The following PARP1 variants were observed in gnomAD, a reference collection of about 807,000 sequenced individuals.
PARP1 encodes the protein poly [ADP-ribose] polymerase 1.
A neutral mutation model predicts 118.7 loss-of-function variants in PARP1; 44 were observed. The ratio of observed to expected loss-of-function variants is 0.37; its 90% CI spans 0.29 to 0.48. The LOEUF (loss-of-function observed/expected upper bound fraction) is 0.48, where lower values mean the gene tolerates loss of function less well. Among genes scored for constraint, PARP1 ranks in the 20% least tolerant of loss-of-function variants. PARP1 has a pLI of 0.99. For missense variants in PARP1, 1,100 were observed against 1,272.4 expected (o/e 0.86, Z 2.06); for synonymous variants, 492 against 483.2 (o/e 1.02, Z -0.24).
chr1:226,407,593 T>C (rs1665176695), intron 1 of PARP1, among the ~76,000 whole-genome samples: 1 of 151,832 alleles, frequency 6.6e-6, no homozygotes, highest in Admixed American at 6.6e-5. Context: ...GCTGCAGACT[T>C]TATTTCCCGG....
chr1:226,362,862 T>C (rs1664177388), intron 21 of PARP1, among the ~76,000 whole-genome samples: 1 of 152,056 alleles, frequency 6.6e-6, no homozygotes, highest in Admixed American at 6.5e-5. Flanking sequence ...ATTTTTTTTT[T>C]TTTTTTACAA....
intron 22 of PARP1, 149 bp from the exon 23 acceptor site, chr1:226,361,690 G>A: frequency 1.4e-6 from 1 of 707,470 alleles, no homozygotes; most frequent in East Asian, 2.7e-5. Context: ...CATCTCCCCG[G>A]GGCTGGCAGG....
At chr1:226,367,911 G>A (rs1328329581) in intron 16 of PARP1, among the ~76,000 whole-genome samples, 1 of 152,210 alleles carries the variant, frequency 6.6e-6, no homozygotes, top group Non-Finnish European at 1.5e-5. Flanking sequence ...CCTGAGCCAG[G>A]AGCTGTCTTA....
chr1:226,392,629 T>G (rs1329049616), intron 2 of PARP1: 2 of 540,312 alleles, frequency 3.7e-6, no homozygotes, highest in South Asian at 2.2e-5. Context: ...AAGCACTTAT[T>G]AGGTGCTTAC....
chr1:226,367,108 C>G (rs1664286048), intron 17 of PARP1: 1 of 314,072 alleles, frequency 3.2e-6, no homozygotes, highest in Non-Finnish European at 6.2e-6. Flanking sequence ...AATAAGTCTT[C>G]TAAAAGTTCA....
chr1:226,408,011 C>A lies in PARP1; in HGVS notation c.-82G>T. On this transcript the variant is annotated 5_prime_UTR_variant, in exon 1 of 23. Transcript: ENST00000366794. Reference sequence around the variant, plus strand: ...CTGCCGCCTCGCCGCCTCGCGTGCGCTCACCCAGCCGCAGGCGCCTGAGCG... The same window carrying A: ...CTGCCGCCTCGCCGCCTCGCGTGCGATCACCCAGCCGCAGGCGCCTGAGCG... 6.3e-7 allele frequency: 1 copy of A among 1,586,778 alleles called. No homozygotes were observed. The highest frequency in any genetic ancestry group is 8.6e-7 in the Non-Finnish European group (1 of 1,167,878).
intron 2 of PARP1, chr1:226,392,525 T>C: frequency 1.7e-6 from 1 of 590,948 alleles, no homozygotes; most frequent in South Asian, 1.9e-5. Context: ...CTTCTCAGAC[T>C]GAGCTCCTTG....
In PARP1 at chr1:226,402,278, G is replaced by A. The variant is rs759516960; in HGVS notation, c.222C>T (p.Phe74=). The stretch of plus-strand genomic sequence containing the variant: ...GCTGGTCATCCCACCGAAGCTCAGA[G>A]AACCCATCCACCTCAACGTCAGGGT... ...IRHPDVEVDG[F]SELRWDDQQK... The change falls in exon 2 of 23, where the codon TTC becomes TTT. Residue 74 remains phenylalanine (F), a synonymous_variant. Transcript: ENST00000366794. The A allele has an allele frequency of 6.2e-7, 1 of 1,614,164 alleles. No homozygotes were observed. Among genetic ancestry groups the A allele is most frequent in the Admixed American group, 1.7e-5 (1 of 60,030 alleles).
chr1:226,381,349 G>A lies in PARP1; in HGVS notation c.1160-141C>T, dbSNP rs545632344. On this transcript the variant is annotated intron_variant, in intron 8 of 22. Coordinates refer to ENST00000366794, the MANE Select transcript of PARP1 (RefSeq NM_001618.4). Reference sequence around the variant, plus strand: ...ATACACTCGCGAGAAAACAGGACGGGACAGCAAGCTGCCACCTGAGTACCT... The same window carrying A: ...ATACACTCGCGAGAAAACAGGACGGAACAGCAAGCTGCCACCTGAGTACCT... 9.7e-5 allele frequency: 88 copies of A among 906,310 alleles called. 1 individual carries two copies. The Admixed American group carries it at 1.2e-3, about 13-fold the overall frequency. The allele number at this position is 906,310 out of a possible 1,614,324, so 56.1% of individuals were successfully genotyped here. A position where few individuals can be genotyped will look rare whatever the true frequency, so the allele number is the denominator to read the frequency against.
At chr1:226,378,910 T>G (rs1322921737) in intron 12 of PARP1, among the ~76,000 whole-genome samples, 1 of 152,186 alleles carries the variant, frequency 6.6e-6, no homozygotes, top group Non-Finnish European at 1.5e-5. Flanking sequence ...CAGAAGAATA[T>G]GTGAAACCAT....
intron 11 of PARP1, 23 bp downstream of exon 11, chr1:226,379,550 T>G (rs2102735071): frequency 6.3e-7 from 1 of 1,598,908 alleles, no homozygotes; most frequent in Non-Finnish European, 8.6e-7. Context: ...CAGCCCACTT[T>G]GCTGGCAGTC....
intron 3 of PARP1, among the ~76,000 whole-genome samples, chr1:226,390,876 T>C (rs1381451609): frequency 6.6e-6 from 1 of 152,160 alleles, no homozygotes; most frequent in Admixed American, 6.5e-5. Context: ...CCTGGACATG[T>C]GAAGAATTGC....
At chr1:226,376,079 A>G (rs765873826) in intron 13 of PARP1, among the ~76,000 whole-genome samples, 1 of 152,188 alleles carries the variant, frequency 6.6e-6, no homozygotes. Flanking sequence ...GAGCCTCATC[A>G]TTGTATAAGC....
chr1:226,366,171 T>G, intron 17 of PARP1, 119 bp from the exon 18 acceptor site: 1 of 737,470 alleles, frequency 1.4e-6, no homozygotes, highest in Non-Finnish European at 2.4e-6. Flanking sequence ...AAGCCGGGCA[T>G]GACCGAGAGC....
chr1:226,382,968 C>A, intron 8 of PARP1, 68 bp downstream of exon 8: 1 of 1,548,588 alleles, frequency 6.5e-7, no homozygotes, highest in East Asian at 2.2e-5. Context: ...CAGCTCCACA[C>A]CACCAGCAAG....
At chr1:226,370,289 A>G (rs1664353821) in intron 15 of PARP1, 145 bp downstream of exon 15, 1 of 723,578 alleles carries the variant, frequency 1.4e-6, no homozygotes, top group African/African-American at 1.7e-5. Context: ...TATTGAACTG[A>G]AAAAAATCGA....
rs1290559284 is a variant in PARP1, at chr1:226,361,307, A to G, written c.*153T>C. The G allele has an allele frequency of 4.3e-6, 3 of 698,410 alleles. No individual in the cohort carries two copies. The Admixed American group carries it at 6.2e-5, about 14-fold the overall frequency. 43.3% of individuals were successfully genotyped at this position (698,410 alleles called of 1,614,324 possible). ...AAACAAGGGACTTGAGAAGTTAGAG[A>G]AAACCTTTAACACGTTTCTGTAAAA... On this transcript the variant is annotated 3_prime_UTR_variant, in exon 23 of 23. Transcript: ENST00000366794.
intron 1 of PARP1, among the ~76,000 whole-genome samples, chr1:226,407,332 G>A (rs1665168380): frequency 2.0e-5 from 3 of 146,492 alleles, no homozygotes; most frequent in South Asian, 4.4e-4. Flanking sequence ...GAGAGTGAGC[G>A]TTTAAATGAC....
At chr1:226,400,895 G>C (rs959098402) in intron 2 of PARP1, among the ~76,000 whole-genome samples, 3 of 152,226 alleles carry the variant, frequency 2.0e-5, no homozygotes, top group Non-Finnish European at 2.9e-5. Context: ...TTGCGTGAGG[G>C]CATCCTGCAT....
Sources: allele counts gnomAD v4.1 joint callset (sites outside exome capture counted in the v4.1 genomes callset), GRCh38; gene constraint gnomAD v4.1.1; transcripts MANE v1.5; gene names NCBI Gene and HGNC (gene_info 2026-07-23, HGNC 2026-07-21).